Variants in ZNF469 observed in about 807,000 individuals in gnomAD.
The protein encoded by ZNF469 is zinc finger protein 469.
In ZNF469, 1 loss-of-function variant was observed where a neutral mutation model predicts 1.0. That is an observed-to-expected ratio of 1.00 (90% confidence interval 0.35 to 4.73). ZNF469 has a LOEUF of 4.73. Among genes scored for constraint, ZNF469 ranks in the 30% most tolerant of loss-of-function variants. The pLI is 0.16. For synonymous variants in ZNF469, 2,703 were observed against 2,363.4 expected (o/e 1.14, Z -4.17); for missense variants, 6,100 against 5,356.3 (o/e 1.14, Z -4.33).
chr16:88,117,290 G>A, the ZNF469 span, among the ~76,000 whole-genome samples: 1 of 152,122 alleles, frequency 6.6e-6, no homozygotes, highest in Non-Finnish European at 1.5e-5. Flanking sequence ...TGAGGGCTGG[G>A]GATGCGTGAG....
chr16:88,120,307 C>T, the ZNF469 span, among the ~76,000 whole-genome samples: 2 of 152,238 alleles, frequency 1.3e-5, no homozygotes, highest in Non-Finnish European at 2.9e-5. Flanking sequence ...GAGGCCCAGG[C>T]CCCTGCCTTC....
intron 1 of ZNF469, among the ~76,000 whole-genome samples, chr16:88,392,896 G>T (rs1484394746): frequency 6.6e-6 from 1 of 152,076 alleles, no homozygotes; most frequent in African/African-American, 2.4e-5. Context: ...TCTGTGGTTT[G>T]CCTGCTGGTC....
the ZNF469 span, among the ~76,000 whole-genome samples, chr16:88,186,260 G>A: frequency 6.6e-6 from 1 of 152,218 alleles, no homozygotes; most frequent in Non-Finnish European, 1.5e-5. Context: ...CTCCCTGCAG[G>A]ATCCTGGACT....
the ZNF469 span, among the ~76,000 whole-genome samples, chr16:88,306,304 A>C: frequency 6.6e-6 from 1 of 152,236 alleles, no homozygotes; most frequent in Admixed American, 6.5e-5. Context: ...TCTCCTTGTC[A>C]GTAAGGGAAC....
In ZNF469 at chr16:88,429,143, C is replaced by A. The variant is rs987299279; in HGVS notation, c.1673C>A (p.Ala558Asp). The change falls in exon 3 of 3, where the codon GCT (alanine) becomes GAT (aspartate). Residue 558 changes from alanine (A) to aspartate (D), a missense_variant. Coordinates refer to ENST00000565624, the MANE Select transcript of ZNF469 (RefSeq NM_001367624.2). ...TACAACGGAATGACAGACCCTGGGG[C>A]TCAGCCCCTGTTCTTCGGGGTGGCC... ...FTYNGMTDPG[A>D]QPLFFGVAQP... 1 of 1,549,846 alleles carries A rather than the reference C, an allele frequency of 6.5e-7. No individual in the cohort carries two copies. The highest frequency in any genetic ancestry group is 1.4e-5 in the African/African-American group (1 of 73,012).
chr16:88,364,262 C>T, the ZNF469 span, among the ~76,000 whole-genome samples: 1 of 152,144 alleles, frequency 6.6e-6, no homozygotes, highest in Non-Finnish European at 1.5e-5. Flanking sequence ...TGTCATCAAC[C>T]AGGTGACTGC....
the ZNF469 span, among the ~76,000 whole-genome samples, chr16:88,133,981 G>C: frequency 1.3e-5 from 2 of 152,120 alleles, no homozygotes; most frequent in Non-Finnish European, 2.9e-5. Context: ...TGTCATCCCA[G>C]CTACTCGAGA....
intron 1 of ZNF469, among the ~76,000 whole-genome samples, chr16:88,411,209 A>G (rs1031908623): frequency 5.9e-5 from 9 of 152,142 alleles, no homozygotes; most frequent in Middle Eastern, 3.4e-3. Flanking sequence ...CCTCCACCCA[A>G]CCTCAGCAAT....
At chr16:88,349,879 A>ACC in the ZNF469 span, among the ~76,000 whole-genome samples, 2 of 149,874 alleles carry the variant, frequency 1.3e-5, no homozygotes, top group African/African-American at 2.4e-5. Flanking sequence ...CACAATACAC[A>ACC]CCACACACTT....
the ZNF469 span, among the ~76,000 whole-genome samples, chr16:88,369,668 T>G: frequency 6.6e-6 from 1 of 152,220 alleles, no homozygotes; most frequent in African/African-American, 2.4e-5. Context: ...ATGATGACTC[T>G]GAGGGGCGAC....
At chr16:88,286,592 C>G in the ZNF469 span, among the ~76,000 whole-genome samples, 1 of 152,380 alleles carries the variant, frequency 6.6e-6, no homozygotes, top group Admixed American at 6.5e-5. Context: ...TTTGTCAGTG[C>G]AGGTGGGGGA....
chr16:88,149,937 C>T, the ZNF469 span, among the ~76,000 whole-genome samples: 3 of 152,260 alleles, frequency 2.0e-5, no homozygotes, highest in Non-Finnish European at 4.4e-5. Flanking sequence ...CTTTGCTGTG[C>T]TCCCCATAGA....
At chr16:88,281,489 G>T in the ZNF469 span, among the ~76,000 whole-genome samples, 8 of 144,396 alleles carry the variant, frequency 5.5e-5, no homozygotes, top group East Asian at 4.4e-4. Context: ...CAATTTTGGC[G>T]CACAGATTAA....
chr16:88,256,938 CTTTCTTTCTTTCTTTTCTTT>C, the ZNF469 span, among the ~76,000 whole-genome samples: 2 of 14,558 alleles, frequency 1.4e-4, no homozygotes, highest in Admixed American at 9.7e-4. Context: ...TTCTTTCTTT[CTTTCTTTCTTTCTTTTCTTT>C]TCTTTCGTTG....
rs1309619067 is a variant in ZNF469 at position 88,428,037 on chromosome 16, C to T, written c.567C>T (p.Ser189=). ...GFHRCFQEPP[S]SFTSTNYTSP... is the part of the protein sequence containing the mutation. ...ACAGGTGCTTCCAGGAGCCACCCTCCAGCTTTACCTCCACCAACTATACCT... is the reference window on the plus strand; with the variant it reads ...ACAGGTGCTTCCAGGAGCCACCCTCTAGCTTTACCTCCACCAACTATACCT... Residue 189 remains serine (S), a synonymous_variant, in exon 3 of 3, where the codon TCC becomes TCT. Coordinates refer to ENST00000565624, the MANE Select transcript of ZNF469 (RefSeq NM_001367624.2). 60 of 1,549,906 alleles carry T rather than the reference C, an allele frequency of 3.9e-5. No homozygotes were observed. The highest frequency in any genetic ancestry group is 5.1e-5 in the Non-Finnish European group (58 of 1,146,882).
At chr16:88,138,738 A>G in the ZNF469 span, among the ~76,000 whole-genome samples, 4 of 152,266 alleles carry the variant, frequency 2.6e-5, no homozygotes, top group Non-Finnish European at 4.4e-5. Context: ...TCTTAACTTC[A>G]TAAACTTGCA....
rs1178258762 is a variant in ZNF469, at chr16:88,431,178, G to A, written c.3708G>A (p.Pro1236=). Residue 1236 remains proline, a synonymous_variant, in exon 3 of 3, where the codon CCG becomes CCA. Coordinates refer to ENST00000565624, the MANE Select transcript of ZNF469 (RefSeq NM_001367624.2). ...CTGAAACTGCCGAAGAGTCAGCCCC[G>A]GACAGCACAGAATTCACAGAGGCTT... ...KEPETAEESA[P]DSTEFTEALR... 13 of 1,550,206 alleles carry A rather than the reference G, an allele frequency of 8.4e-6. No individual in the cohort carries two copies. Among genetic ancestry groups the A allele is most frequent in the Middle Eastern group, 1.7e-4 (1 of 6,014 alleles).
chr16:88,406,868 C>A (rs915881586), intron 1 of ZNF469, among the ~76,000 whole-genome samples: 1 of 152,182 alleles, frequency 6.6e-6, no homozygotes. Context: ...CCCGTCGGCC[C>A]CCAGGTCTCC....
At chr16:88,130,660 C>T in the ZNF469 span, among the ~76,000 whole-genome samples, 2 of 146,436 alleles carry the variant, frequency 1.4e-5, no homozygotes, top group South Asian at 2.2e-4. Flanking sequence ...GAGCCGAGAT[C>T]GCGCCATTGC....
Sources: allele counts gnomAD v4.1 joint callset (sites outside exome capture counted in the v4.1 genomes callset), GRCh38; gene constraint gnomAD v4.1.1; transcripts MANE v1.5; gene names NCBI Gene and HGNC (gene_info 2026-07-23, HGNC 2026-07-21).